WWOX: variants seen among roughly 807,000 people sequenced by gnomAD.
WWOX encodes WW domain containing oxidoreductase, also known as WW domain-containing oxidoreductase.
In WWOX, 69 loss-of-function variants were observed where a neutral mutation model predicts 46.2. The observed-to-expected ratio is 1.49, with a 90% CI of 1.23 to 1.82. The LOEUF (loss-of-function observed/expected upper bound fraction) is 1.82, where lower values mean the gene tolerates loss of function less well. Ranked by LOEUF, WWOX falls within the 40% of genes most tolerant of loss-of-function variation. WWOX has a pLI of 0.00. For missense variants in WWOX, 919 were observed against 542.6 expected (o/e 1.69, Z -6.89); for synonymous variants, 359 against 202.6 (o/e 1.77, Z -6.56).
intron 8 of WWOX, among the ~76,000 whole-genome samples, chr16:78,603,699 G>C (rs1266872319): frequency 1.3e-5 from 2 of 151,890 alleles, no homozygotes; most frequent in African/African-American, 4.8e-5. Flanking sequence ...CTCAAAATAA[G>C]TAAATAAATA....
At chr16:79,135,651 T>C (rs1397733626) in intron 8 of WWOX, among the ~76,000 whole-genome samples, 1 of 152,218 alleles carries the variant, frequency 6.6e-6, no homozygotes, top group Non-Finnish European at 1.5e-5. Flanking sequence ...TATTTCAGTA[T>C]TGACCTCCCA....
At chr16:78,377,181 A>G (rs1210995489) in intron 5 of WWOX, among the ~76,000 whole-genome samples, 1 of 152,236 alleles carries the variant, frequency 6.6e-6, no homozygotes, top group Admixed American at 6.5e-5. Flanking sequence ...GTAATTATGC[A>G]GTAAATTAGC....
At chr16:78,957,878 G>C (rs1046281904) in intron 8 of WWOX, among the ~76,000 whole-genome samples, 1 of 152,144 alleles carries the variant, frequency 6.6e-6, no homozygotes, top group Non-Finnish European at 1.5e-5. Context: ...CTGGGCGTGG[G>C]GGGACACATG....
At chr16:78,907,231 G>T (rs955270176) in intron 8 of WWOX, among the ~76,000 whole-genome samples, 1 of 152,146 alleles carries the variant, frequency 6.6e-6, no homozygotes, top group East Asian at 1.9e-4. Flanking sequence ...CCGCTTCTGG[G>T]TGGGGGGCAG....
At chr16:78,178,415 C>G (rs1052108681) in intron 5 of WWOX, among the ~76,000 whole-genome samples, 1 of 152,214 alleles carries the variant, frequency 6.6e-6, no homozygotes, top group Non-Finnish European at 1.5e-5. Flanking sequence ...GGCTGCTACG[C>G]TTTTATTCTA....
At chr16:78,955,532 G>T (rs900187331) in intron 8 of WWOX, among the ~76,000 whole-genome samples, 5 of 152,034 alleles carry the variant, frequency 3.3e-5, no homozygotes, top group Non-Finnish European at 7.4e-5. Context: ...AGGCTGCAGG[G>T]ATAATAACTG....
At chr16:78,917,941 C>T (rs977190281) in intron 8 of WWOX, among the ~76,000 whole-genome samples, 3 of 152,124 alleles carry the variant, frequency 2.0e-5, no homozygotes, top group East Asian at 1.9e-4. Context: ...GTGGCTCACA[C>T]ACATAATCTT....
intron 8 of WWOX, among the ~76,000 whole-genome samples, chr16:79,189,063 A>G (rs992577786): frequency 6.6e-6 from 1 of 152,222 alleles, no homozygotes; most frequent in Non-Finnish European, 1.5e-5. Context: ...GAAAAAAAAT[A>G]CAGATACGTG....
intron 5 of WWOX, among the ~76,000 whole-genome samples, chr16:78,183,648 C>A (rs1218372135): frequency 1.3e-5 from 2 of 152,278 alleles, no homozygotes; most frequent in East Asian, 1.9e-4. Context: ...TCAGTAACAC[C>A]TGCCAAGTAC....
intron 6 of WWOX, among the ~76,000 whole-genome samples, chr16:78,420,118 A>C (rs929524959): frequency 6.6e-5 from 10 of 152,152 alleles, no homozygotes; most frequent in African/African-American, 2.4e-4. Context: ...TCAGATAACA[A>C]ATACTTACAA....
chr16:78,102,157 C>A (rs1174618524), intron 1 of WWOX, among the ~76,000 whole-genome samples: 1 of 152,252 alleles, frequency 6.6e-6, no homozygotes, highest in Non-Finnish European at 1.5e-5. Context: ...TGAACTCAAG[C>A]CAGCCTCCCT....
chr16:78,429,000 TC>T (rs2083153718), intron 7 of WWOX, among the ~76,000 whole-genome samples: 1 of 152,204 alleles, frequency 6.6e-6, no homozygotes, highest in South Asian at 2.1e-4. Flanking sequence ...GGATTTGTGT[TC>T]CTTTGTTTTT....
chr16:78,664,380 G>A (rs1345927625), intron 8 of WWOX, among the ~76,000 whole-genome samples: 3 of 152,166 alleles, frequency 2.0e-5, no homozygotes, highest in Non-Finnish European at 2.9e-5. Context: ...GACTGCCCAC[G>A]TAGGAAGTGG....
At chr16:78,193,917 G>A (rs1407808655) in intron 5 of WWOX, among the ~76,000 whole-genome samples, 2 of 148,952 alleles carry the variant, frequency 1.3e-5, no homozygotes, top group East Asian at 4.0e-4. Context: ...TCGCACTGTC[G>A]CCCAGGCTGG....
intron 8 of WWOX, among the ~76,000 whole-genome samples, chr16:78,606,968 G>A (rs1033453114): frequency 6.6e-5 from 10 of 151,996 alleles, no homozygotes; most frequent in African/African-American, 2.2e-4. Flanking sequence ...TTTTTGTGCA[G>A]GACTAATGGG....
In WWOX at chr16:78,918,955, T is replaced by A. The variant is rs34984226; in HGVS notation, c.1057-292653T>A. ...TTACTTGTGGTAAGAAGAGTACCTT[T>A]CTGATTGGACCCAGGGCAGAAAAAA... On this transcript the variant is annotated intron_variant, in intron 8 of 8. Transcript: ENST00000566780. Among the ~76,000 whole-genome samples, 1,033 of 152,088 alleles carry A rather than the reference T, an allele frequency of 6.8e-3. 10 individuals are homozygous for A. The highest frequency in any genetic ancestry group is 0.024 in the African/African-American group (999 of 41,472).
chr16:78,605,667 G>T (rs561479033), intron 8 of WWOX, among the ~76,000 whole-genome samples: 2 of 152,232 alleles, frequency 1.3e-5, no homozygotes, highest in South Asian at 4.1e-4. Flanking sequence ...TTACAACTCC[G>T]CCTCTCGTGC....
intron 8 of WWOX, among the ~76,000 whole-genome samples, chr16:78,776,007 G>T (rs2050181870): frequency 6.6e-6 from 1 of 152,142 alleles, no homozygotes; most frequent in Non-Finnish European, 1.5e-5. Context: ...ATTTTTCTCT[G>T]CAGGACACAG....
chr16:78,802,587 A>G (rs2050919200), intron 8 of WWOX, among the ~76,000 whole-genome samples: 1 of 152,094 alleles, frequency 6.6e-6, no homozygotes, highest in Non-Finnish European at 1.5e-5. Context: ...ATTAATAAAT[A>G]TTTGTGAATA....
Sources: allele counts gnomAD v4.1 joint callset (sites outside exome capture counted in the v4.1 genomes callset), GRCh38; gene constraint gnomAD v4.1.1; transcripts MANE v1.5; gene names NCBI Gene and HGNC (gene_info 2026-07-23, HGNC 2026-07-21).